The following RALYL variants were observed in gnomAD, a reference collection of about 807,000 sequenced individuals.
RALYL encodes the protein RNA-binding Raly-like protein.
RALYL carries 29 observed loss-of-function variants against 35.1 expected under a neutral mutation model. The observed-to-expected ratio is 0.83, with a 90% CI of 0.61 to 1.13. RALYL has a LOEUF of 1.13. RALYL is among the 50% of genes most tolerant of loss of function. RALYL has a pLI of 0.00. For synonymous variants in RALYL, 120 were observed against 127.6 expected (o/e 0.94, Z 0.40); for missense variants, 359 against 360.4 (o/e 1.00, Z 0.03).
At position 84,763,338 on chromosome 8, in the gene RALYL, G is replaced by A. The variant is rs1813135427; in HGVS notation, c.257-11241G>A. The stretch of plus-strand genomic sequence containing the variant: ...GATCCCGACTTTCTGTTGGTTGAAT[G>A]TTACCAACAGGATATTCTTTAAGGA... On this transcript the variant is annotated intron_variant, in intron 2 of 8. Transcript: ENST00000521268. Among the ~76,000 whole-genome samples the A allele has an allele frequency of 2.0e-5, 3 of 152,154 alleles. No individual in the cohort carries two copies. The South Asian group carries it at 6.2e-4, about 31-fold the overall frequency.
chr8:84,689,906 G>A (rs902685409), intron 2 of RALYL, among the ~76,000 whole-genome samples: 6 of 152,080 alleles, frequency 3.9e-5, no homozygotes, highest in Non-Finnish European at 8.8e-5. Flanking sequence ...GTCATCAAGT[G>A]TGGAAAAAAA....
chr8:84,714,582 C>G (rs1017539374), intron 2 of RALYL, among the ~76,000 whole-genome samples: 4 of 151,656 alleles, frequency 2.6e-5, no homozygotes, highest in Non-Finnish European at 5.9e-5. Context: ...GAAAAGATAA[C>G]CATTCATAAG....
intron 2 of RALYL, among the ~76,000 whole-genome samples, chr8:84,687,999 T>C (rs760217345): frequency 1.3e-5 from 2 of 152,092 alleles, no homozygotes; most frequent in African/African-American, 2.4e-5. Context: ...TTCTACTCTT[T>C]TTGGGGATAA....
intron 1 of RALYL, among the ~76,000 whole-genome samples, chr8:84,506,321 C>T (rs2057161573): frequency 6.6e-6 from 1 of 152,038 alleles, no homozygotes; most frequent in South Asian, 2.1e-4. Flanking sequence ...TTATAGAGTA[C>T]ATTGTTGTCA....
chr8:84,430,405 T>C (rs1161134256), intron 1 of RALYL, among the ~76,000 whole-genome samples: 1 of 152,186 alleles, frequency 6.6e-6, no homozygotes, highest in Admixed American at 6.5e-5. Flanking sequence ...TTAATTTTTG[T>C]ACTCTGTTGT....
chr8:84,483,961 A>AT (rs201485500), intron 1 of RALYL, among the ~76,000 whole-genome samples: 2 of 151,892 alleles, frequency 1.3e-5, no homozygotes, highest in South Asian at 2.1e-4. Context: ...AGATATGTAA[A>AT]TTTTTTTTCT....
chr8:84,266,305 G>A (rs561590115), intron 1 of RALYL, among the ~76,000 whole-genome samples: 1 of 151,430 alleles, frequency 6.6e-6, no homozygotes, highest in Non-Finnish European at 1.5e-5. Flanking sequence ...GTTCTCTTTT[G>A]TTTAGTGTCT....
At chr8:84,824,223 A>C (rs1004744254) in intron 4 of RALYL, among the ~76,000 whole-genome samples, 12 of 151,432 alleles carry the variant, frequency 7.9e-5, no homozygotes, top group African/African-American at 2.9e-4. Context: ...GTTCAATTTG[A>C]GAACCAAATC....
chr8:84,402,177 T>C (rs1397614862), intron 1 of RALYL, among the ~76,000 whole-genome samples: 1 of 152,164 alleles, frequency 6.6e-6, no homozygotes, highest in Non-Finnish European at 1.5e-5. Flanking sequence ...AAATTATTGT[T>C]CCTACAGAGA....
chr8:84,204,229 T>C (rs1817564273), intron 1 of RALYL, among the ~76,000 whole-genome samples: 1 of 151,980 alleles, frequency 6.6e-6, no homozygotes, highest in South Asian at 2.1e-4. Context: ...GAATGATCTT[T>C]TAACAGGTTG....
chr8:84,740,847 G>T (rs1807129077), intron 2 of RALYL, among the ~76,000 whole-genome samples: 1 of 151,954 alleles, frequency 6.6e-6, no homozygotes, highest in African/African-American at 2.4e-5. Context: ...ACTGTTCAGT[G>T]ATGAAAAGTC....
chr8:84,883,180 T>C (rs1842440890), intron 7 of RALYL, among the ~76,000 whole-genome samples: 11 of 152,038 alleles, frequency 7.2e-5, no homozygotes, highest in Admixed American at 7.2e-4. Flanking sequence ...TCCAAGCATT[T>C]AGCTTTCAAG....
At chr8:84,905,098 T>C (rs1240965016) in intron 8 of RALYL, among the ~76,000 whole-genome samples, 2 of 152,148 alleles carry the variant, frequency 1.3e-5, no homozygotes, top group African/African-American at 2.4e-5. Flanking sequence ...ACACCTTCAT[T>C]TCTCTCTGCC....
At chr8:84,557,699 T>C (rs1353743125) in intron 2 of RALYL, among the ~76,000 whole-genome samples, 1 of 152,208 alleles carries the variant, frequency 6.6e-6, no homozygotes, top group East Asian at 1.9e-4. Flanking sequence ...CTATATTTAC[T>C]ATTTATTCTA....
intron 3 of RALYL, among the ~76,000 whole-genome samples, chr8:84,784,130 T>C (rs2133759615): frequency 6.6e-6 from 1 of 152,350 alleles, no homozygotes; most frequent in South Asian, 2.1e-4. Context: ...AACCCTGTGC[T>C]CCACCTCCTG....
At chr8:84,203,418 C>T (rs1817369105) in intron 1 of RALYL, among the ~76,000 whole-genome samples, 1 of 151,922 alleles carries the variant, frequency 6.6e-6, no homozygotes, top group Admixed American at 6.6e-5. Flanking sequence ...TTAATTTACC[C>T]ATGTGTTAAG....
intron 1 of RALYL, among the ~76,000 whole-genome samples, chr8:84,444,314 G>A (rs2048640408): frequency 6.6e-6 from 1 of 151,948 alleles, no homozygotes; most frequent in Non-Finnish European, 1.5e-5. Flanking sequence ...GAGCAACAGA[G>A]CAAGAGCCTG....
chr8:84,495,882 T>C (rs1016632721), intron 1 of RALYL, among the ~76,000 whole-genome samples: 1 of 152,154 alleles, frequency 6.6e-6, no homozygotes, highest in Admixed American at 6.6e-5. Context: ...ATTAGTATTT[T>C]GTAATGGAAA....
chr8:84,472,329 T>C (rs949210063), intron 1 of RALYL, among the ~76,000 whole-genome samples: 5 of 152,170 alleles, frequency 3.3e-5, no homozygotes, highest in African/African-American at 1.2e-4. Flanking sequence ...AAAAAGAGGA[T>C]GTTGGAAAAC....
Sources: gnomAD v4.1 joint callset for allele counts (sites outside exome capture counted in the v4.1 genomes callset) on GRCh38, gnomAD v4.1.1 for gene constraint, MANE v1.5 for transcripts, NCBI Gene and HGNC (gene_info 2026-07-23, HGNC 2026-07-21) for gene names.